Variants in SYCP2 observed in about 807,000 individuals in gnomAD.
SYCP2 encodes synaptonemal complex protein 2.
A neutral mutation model predicts 211.3 loss-of-function variants in SYCP2; 55 were observed. The ratio of observed to expected loss-of-function variants is 0.26; its 90% CI spans 0.21 to 0.33. The LOEUF (loss-of-function observed/expected upper bound fraction) is 0.33. Among genes scored for constraint, SYCP2 ranks in the 10% least tolerant of loss-of-function variants. The probability of loss-of-function intolerance (pLI) is 1.00; values close to 1 mark genes in which losing one functional copy is unlikely to be tolerated. For missense variants in SYCP2, 1,731 were observed against 1,752.0 expected (o/e 0.99, Z 0.21); for synonymous variants, 570 against 555.2 (o/e 1.03, Z -0.37).
rs879154705 is a variant in SYCP2, at chr20:59,866,317, T to A, written c.4296A>T (p.Leu1432Phe). The change falls in exon 41 of 45, where the codon TTA becomes TTT. Residue 1432 changes from leucine (L) to phenylalanine (F), a missense_variant. Physicochemically the swap from Leu to Phe is conservative, Grantham distance 22 (BLOSUM62 0). Coordinates refer to ENST00000357552, the MANE Select transcript of SYCP2 (RefSeq NM_014258.4). ...LENFEKDSQSLKDLEKEFVDF... is the reference protein window; with the variant it reads ...LENFEKDSQSFKDLEKEFVDF... ...CCACAAATTCCTTTTCCAAATCTTT[T>A]AAAGACTGTGAATCTTTTTCAAAAT... 2.5e-6 allele frequency: 4 copies of A among 1,592,040 alleles called. No homozygotes were observed. In the African/African-American group the frequency reaches 4.1e-5, roughly 16 times the overall value.
chr20:59,904,508 C>G (rs2060178027), intron 15 of SYCP2, among the ~76,000 whole-genome samples: 1 of 152,136 alleles, frequency 6.6e-6, no homozygotes, highest in African/African-American at 2.4e-5. Context: ...ATGACTGGAT[C>G]AGTCCTTCAG....
chr20:59,932,000 A>T (rs2060755077), intron 2 of SYCP2, 62 bp downstream of exon 2: 1 of 152,242 alleles, frequency 6.6e-6, no homozygotes, highest in South Asian at 2.1e-4. Context: ...ACTACTATGT[A>T]ACAGAACGAC....
chr20:59,919,507 C>G lies in SYCP2; in HGVS notation c.388G>C (p.Val130Leu), dbSNP rs1388036592. 1.3e-6 allele frequency: 2 copies of G among 1,588,958 alleles called. No homozygotes were observed. The highest frequency in any genetic ancestry group is 1.7e-5 in the Admixed American group (1 of 58,868). ...EAVLNMIEDL[V>L]DLLLVIHDVS... ...GTGATTTTTACCAGCAGAAGATCAA[C>G]TAAGTCTTCTATCATATTTAGAACA... Residue 130 changes from valine (V) to leucine (L), a missense_variant, in exon 6 of 45, where the codon GTT becomes CTT. This residue lies in a region of SYCP2 where 335 missense variants were observed against 378.8 expected (regional missense o/e 0.88). Transcript: ENST00000357552.
chr20:59,892,377 T>C lies in SYCP2; in HGVS notation c.1977A>G (p.Ile659Met). ...CTGTTCCTTCAGAATTATGATCAGA[T>C]ATTGAAGAGGATGATTTTTGTTTAG... Reference protein sequence around the residue: ...KLTKQKSSSSISDHNSEGTGK... With the variant: ...KLTKQKSSSSMSDHNSEGTGK... The change falls in exon 24 of 45, where the codon ATA becomes ATG. Residue 659 changes from isoleucine (I) to methionine (M), a missense_variant. This residue lies in a region of SYCP2 where 1,387 missense variants were observed against 1,351.3 expected (regional missense o/e 1.03). Coordinates refer to ENST00000357552, the MANE Select transcript of SYCP2 (RefSeq NM_014258.4). 1 of 1,576,412 alleles carries C rather than the reference T, an allele frequency of 6.3e-7. No homozygotes were observed. Among genetic ancestry groups the C allele is most frequent in the Non-Finnish European group, 8.6e-7 (1 of 1,157,282 alleles).
chr20:59,898,416 C>T lies in SYCP2; in HGVS notation c.1404+1722G>A, dbSNP rs544268281. 2.6e-5 allele frequency among the ~76,000 whole-genome samples: 4 copies of T among 152,252 alleles called. No homozygotes were observed. In the East Asian group the frequency reaches 7.7e-4, roughly 29 times the overall value. On this transcript the variant is annotated intron_variant, in intron 18 of 44. Transcript: ENST00000357552. The stretch of plus-strand genomic sequence containing the variant: ...AAAAAGGATGAGTTCATGTCTTTTG[C>T]TGGCACATGGATGAAGCTGGAAACC...
At chr20:59,900,055 T>C in intron 18 of SYCP2, 83 bp downstream of exon 18, 4 of 1,391,116 alleles carry the variant, frequency 2.9e-6, no homozygotes, top group Non-Finnish European at 4.1e-6. Flanking sequence ...ATATAAATTC[T>C]AGATGCTTCT....
At chr20:59,879,146 A>G (rs2059615864) in intron 31 of SYCP2, among the ~76,000 whole-genome samples, 1 of 152,000 alleles carries the variant, frequency 6.6e-6, no homozygotes. Flanking sequence ...GGGCATGTGA[A>G]TCTTACTATA....
chr20:59,870,583 A>G (rs1203048119), intron 35 of SYCP2, among the ~76,000 whole-genome samples: 2 of 151,924 alleles, frequency 1.3e-5, no homozygotes, highest in African/African-American at 2.4e-5. Flanking sequence ...TCATGTGTAG[A>G]TAAGAAAGAT....
Position 59,892,610 on chromosome 20 carries a change from T to C in SYCP2, c.1885A>G (p.Asn629Asp). The part of the protein sequence containing the change: ...TPVTNIELCN[N>D]QRASTSSGDT... ...CCTGACGAAGTACTTGCTCTTTGGT[T>C]ATTACATAGTTCAATGTTTGTTACA... Residue 629 changes from asparagine (N) to aspartate (D), a missense_variant, in exon 23 of 45, where the codon AAC (asparagine) becomes GAC (aspartate). By Grantham distance (23) the Asn-to-Asp change is conservative (BLOSUM62 1). Coordinates refer to ENST00000357552, the MANE Select transcript of SYCP2 (RefSeq NM_014258.4). 3 of 1,610,306 alleles carry C rather than the reference T, an allele frequency of 1.9e-6. No individual in the cohort carries two copies. Among genetic ancestry groups the C allele is most frequent in the Non-Finnish European group, 2.5e-6 (3 of 1,178,148 alleles).
intron 33 of SYCP2, among the ~76,000 whole-genome samples, 159 bp from the exon 34 acceptor site, chr20:59,875,628 C>T (rs535067924): frequency 6.6e-6 from 1 of 152,126 alleles, no homozygotes; most frequent in East Asian, 1.9e-4. Flanking sequence ...TTCTAATATA[C>T]TAGAAGCCAT....
At chr20:59,926,586 A>C (rs1373441643) in intron 2 of SYCP2, among the ~76,000 whole-genome samples, 1 of 152,152 alleles carries the variant, frequency 6.6e-6, no homozygotes, top group Non-Finnish European at 1.5e-5. Context: ...GGTTAAATGC[A>C]AAAGACCCTA....
chr20:59,874,842 G>A (rs1277305586), intron 34 of SYCP2, among the ~76,000 whole-genome samples: 5 of 151,706 alleles, frequency 3.3e-5, no homozygotes, highest in Admixed American at 2.0e-4. Context: ...AACTGTATAC[G>A]GTATTAATCC....
chr20:59,875,529 TAAAACA>T, intron 33 of SYCP2, 60 bp from the exon 34 acceptor site: 1 of 1,219,886 alleles, frequency 8.2e-7, no homozygotes, highest in East Asian at 2.4e-5. Flanking sequence ...CTTGGACACA[TAAAACA>T]AATTATATTC....
chr20:59,900,265 T>C lies in SYCP2; in HGVS notation c.1277A>G (p.Gln426Arg). ...SGSQILVPES[Q>R]ISPVGEELVS... ...GAGCTCTTCTCCGACTGGTGAGATT[T>C]GACTTTCTGGCACTAGAATCTGTTG... Residue 426 changes from glutamine to arginine, a missense_variant, in exon 18 of 45, where the codon CAA becomes CGA. Coordinates refer to ENST00000357552, the MANE Select transcript of SYCP2 (RefSeq NM_014258.4). 6.2e-7 allele frequency: 1 copy of C among 1,605,198 alleles called. No homozygotes were observed. Among genetic ancestry groups the C allele is most frequent in the Non-Finnish European group, 8.5e-7 (1 of 1,177,562 alleles).
intron 33 of SYCP2, among the ~76,000 whole-genome samples, chr20:59,875,841 G>A (rs1488784387): frequency 1.3e-5 from 2 of 152,092 alleles, no homozygotes; most frequent in African/African-American, 2.4e-5. Context: ...AGAAGACTTC[G>A]CAAGAACAGA....
chr20:59,866,333 T>C lies in SYCP2; in HGVS notation c.4280A>G (p.Lys1427Arg), dbSNP rs1376059952. 6.3e-7 allele frequency: 1 copy of C among 1,597,658 alleles called. No individual in the cohort carries two copies. The highest frequency in any genetic ancestry group is 1.4e-5 in the African/African-American group (1 of 73,916). Residue 1427 changes from lysine to arginine, a missense_variant, in exon 41 of 45, where the codon AAA (lysine) becomes AGA (arginine). Lys to Arg is a conservative substitution (Grantham distance 26). This residue lies in a region of SYCP2 where 1,387 missense variants were observed against 1,351.3 expected (regional missense o/e 1.03). Transcript: ENST00000357552. ...IIIEELENFEKDSQSLKDLEK... is the reference protein window; with the variant it reads ...IIIEELENFERDSQSLKDLEK... Reference sequence around the variant, plus strand: ...CAAATCTTTTAAAGACTGTGAATCTTTTTCAAAATTCTCCAGCTCCTCTAT... The same window carrying C: ...CAAATCTTTTAAAGACTGTGAATCTCTTTCAAAATTCTCCAGCTCCTCTAT...
rs544200157 is a variant in SYCP2 at position 59,864,313 on chromosome 20, AC to A, written c.4590del (p.Ter1531GlufsTer3). On this transcript the variant is annotated frameshift_variant, in exon 45 of 45. Coordinates refer to ENST00000357552, the MANE Select transcript of SYCP2 (RefSeq NM_014258.4). LOFTEE classifies it high-confidence loss of function. ...VFMSHERNAN[V>X] ...AGTATGGTGATAAAAACTAGATTTC[AC>A]ACATTAGCATTTCTTTCATGAGACA... is the stretch of plus-strand genomic sequence containing the variant. 85 of 1,589,740 alleles carry A rather than the reference AC, an allele frequency of 5.3e-5. 1 individual carries two copies. In the South Asian group the frequency reaches 9.2e-4, roughly 17 times the overall value.
intron 24 of SYCP2, 138 bp from the exon 25 acceptor site, chr20:59,886,972 A>G: frequency 3.2e-6 from 2 of 632,252 alleles, no homozygotes; most frequent in Non-Finnish European, 2.6e-6. Flanking sequence ...ACTGTTTAGT[A>G]AGTTTGAGCT....
intron 7 of SYCP2, among the ~76,000 whole-genome samples, chr20:59,918,756 G>C (rs1448220998): frequency 1.3e-5 from 2 of 152,038 alleles, no homozygotes; most frequent in Non-Finnish European, 2.9e-5. Flanking sequence ...ATTAACAAAT[G>C]AACATTTACA....
Sources: gnomAD v4.1 joint callset for allele counts (sites outside exome capture counted in the v4.1 genomes callset) on GRCh38, gnomAD v4.1.1 for gene constraint, gnomAD v4.1.1 regional missense constraint, MANE v1.5 for transcripts, NCBI Gene and HGNC (gene_info 2026-07-23, HGNC 2026-07-21) for gene names.